Variants in NMNAT2 observed in about 807,000 individuals in gnomAD.
NMNAT2 encodes nicotinamide/nicotinic acid mononucleotide adenylyltransferase 2.
A neutral mutation model predicts 41.6 loss-of-function variants in NMNAT2; 11 were observed. The ratio of observed to expected loss-of-function variants is 0.26; its 90% CI spans 0.17 to 0.44. The LOEUF (loss-of-function observed/expected upper bound fraction) is 0.44. NMNAT2 is among the 20% of genes least tolerant of loss of function. The pLI is 1.00. For missense variants in NMNAT2, 288 were observed against 407.7 expected (o/e 0.71, Z 2.53); for synonymous variants, 148 against 151.2 (o/e 0.98, Z 0.16).
intron 1 of NMNAT2, among the ~76,000 whole-genome samples, chr1:183,415,776 G>C (rs1245522713): frequency 6.6e-6 from 1 of 152,158 alleles, no homozygotes; most frequent in Non-Finnish European, 1.5e-5. Flanking sequence ...TTTATCCAGA[G>C]CTCAAAGATT....
chr1:183,273,308 T>C (rs1041001550), intron 8 of NMNAT2, among the ~76,000 whole-genome samples: 4 of 152,254 alleles, frequency 2.6e-5, no homozygotes, highest in African/African-American at 9.6e-5. Context: ...CTGAAGTTAT[T>C]CTTTTAACAG....
chr1:183,361,115 G>A (rs114906999), intron 1 of NMNAT2, among the ~76,000 whole-genome samples: 13 of 152,284 alleles, frequency 8.5e-5, no homozygotes, highest in Non-Finnish European at 1.9e-4. Context: ...TTCAATACAT[G>A]CCAATCACTG....
intron 10 of NMNAT2, among the ~76,000 whole-genome samples, chr1:183,257,371 G>A (rs1020840183): frequency 7.2e-5 from 11 of 152,044 alleles, no homozygotes; most frequent in East Asian, 3.9e-4. Context: ...AACCCGGGAC[G>A]CGGAGGTTGC....
At chr1:183,296,305 C>T (rs748252895) in intron 1 of NMNAT2, among the ~76,000 whole-genome samples, 1 of 150,462 alleles carries the variant, frequency 6.6e-6, no homozygotes, top group Non-Finnish European at 1.5e-5. Flanking sequence ...TTTGTGAAGA[C>T]GTAAATTAGG....
chr1:183,364,917 T>C (rs904492833), intron 1 of NMNAT2, among the ~76,000 whole-genome samples: 2 of 152,128 alleles, frequency 1.3e-5, no homozygotes, highest in African/African-American at 4.8e-5. Flanking sequence ...GGTCTTGAAC[T>C]GCTAACCTCG....
chr1:183,312,562 C>T (rs1168685434), intron 1 of NMNAT2, among the ~76,000 whole-genome samples: 3 of 101,792 alleles, frequency 2.9e-5, no homozygotes, highest in Non-Finnish European at 6.3e-5. Flanking sequence ...AATTGCCTTA[C>T]AGTTCCTAAA....
At chr1:183,272,548 G>A (rs1486402188) in intron 8 of NMNAT2, among the ~76,000 whole-genome samples, 1 of 152,228 alleles carries the variant, frequency 6.6e-6, no homozygotes, top group Non-Finnish European at 1.5e-5. Flanking sequence ...TGCCTAATGG[G>A]AAATGCCACA....
At chr1:183,381,279 A>G (rs1041183309) in intron 1 of NMNAT2, among the ~76,000 whole-genome samples, 2 of 152,222 alleles carry the variant, frequency 1.3e-5, no homozygotes, top group African/African-American at 2.4e-5. Flanking sequence ...AGTTCAGGTT[A>G]CCAATCAAAA....
chr1:183,259,604 T>G (rs566777846), intron 10 of NMNAT2, among the ~76,000 whole-genome samples: 166 of 151,714 alleles, frequency 1.1e-3, no homozygotes, highest in East Asian at 1.2e-3. Context: ...CCTATAATTT[T>G]TTTGTGTGTG....
chr1:183,300,757 A>C (rs1449870188), intron 1 of NMNAT2, among the ~76,000 whole-genome samples: 1 of 152,250 alleles, frequency 6.6e-6, no homozygotes, highest in Non-Finnish European at 1.5e-5. Context: ...GTGCAAACCC[A>C]GGCAGTGGCA....
intron 1 of NMNAT2, among the ~76,000 whole-genome samples, chr1:183,298,785 C>G (rs12096687): frequency 6.6e-6 from 1 of 152,018 alleles, no homozygotes; most frequent in Non-Finnish European, 1.5e-5. Context: ...ACAACAACAA[C>G]AAGAGACATA....
At chr1:183,358,286 G>A (rs537497293) in intron 1 of NMNAT2, among the ~76,000 whole-genome samples, 2 of 152,308 alleles carry the variant, frequency 1.3e-5, no homozygotes, top group South Asian at 4.1e-4. Flanking sequence ...AGGGTGGGAG[G>A]TGAGAGAGGA....
At chr1:183,417,823 C>T (rs1649298265) in intron 1 of NMNAT2, among the ~76,000 whole-genome samples, 1 of 152,220 alleles carries the variant, frequency 6.6e-6, no homozygotes, top group Non-Finnish European at 1.5e-5. Flanking sequence ...GGCGCCCCAA[C>T]CTCTGCCCCC....
chr1:183,284,006 T>A lies in NMNAT2; in HGVS notation c.563A>T (p.Tyr188Phe). Residue 188 changes from tyrosine to phenylalanine, a missense_variant, in exon 7 of 11, where the codon TAT becomes TTT. Transcript: ENST00000287713. The part of the protein sequence containing the change: ...ENANLGTVMR[Y>F]EEIELRILLL... ...GCAGTCCCACTCACCAATCTCTTCA[T>A]ACCGCATCACCGTGCCCAGATTGGC... 2 of 1,614,028 alleles carry A rather than the reference T, an allele frequency of 1.2e-6. No homozygotes were observed. The highest frequency in any genetic ancestry group is 1.7e-6 in the Non-Finnish European group (2 of 1,179,994).
At chr1:183,365,516 G>T (rs1663395234) in intron 1 of NMNAT2, among the ~76,000 whole-genome samples, 1 of 152,030 alleles carries the variant, frequency 6.6e-6, no homozygotes, top group Non-Finnish European at 1.5e-5. Context: ...CAGCACTTTG[G>T]GAGGCCGAGG....
intron 1 of NMNAT2, among the ~76,000 whole-genome samples, chr1:183,416,912 T>G (rs749257892): frequency 1.3e-5 from 2 of 152,072 alleles, no homozygotes; most frequent in Non-Finnish European, 2.9e-5. Flanking sequence ...CGCATCCAGC[T>G]CCGGCGCGCC....
At chr1:183,295,336 TA>T (rs902942354) in intron 1 of NMNAT2, among the ~76,000 whole-genome samples, 47 of 149,532 alleles carry the variant, frequency 3.1e-4, no homozygotes, top group Admixed American at 5.3e-4. Flanking sequence ...TTTCTTAGAT[TA>T]AAAAAAAAAT....
At chr1:183,309,879 A>AT (rs979954780) in intron 1 of NMNAT2, among the ~76,000 whole-genome samples, 1 of 152,200 alleles carries the variant, frequency 6.6e-6, no homozygotes, top group Admixed American at 6.5e-5. Context: ...GGTTTCGTTC[A>AT]TTTTTTAGCT....
At chr1:183,359,109 G>A (rs1353826527) in intron 1 of NMNAT2, among the ~76,000 whole-genome samples, 2 of 151,766 alleles carry the variant, frequency 1.3e-5, no homozygotes. Context: ...TCTAACTATG[G>A]AACACATGAG....
Sources: allele counts gnomAD v4.1 joint callset (sites outside exome capture counted in the v4.1 genomes callset), GRCh38; gene constraint gnomAD v4.1.1; transcripts MANE v1.5; gene names NCBI Gene and HGNC (gene_info 2026-07-23, HGNC 2026-07-21).